Variants in CYP2W1 observed in about 807,000 individuals in gnomAD.
CYP2W1 encodes the protein cytochrome P450 family 2 subfamily W member 1, also known as cytochrome P450 2W1.
CYP2W1 carries 51 observed loss-of-function variants against 44.9 expected under a neutral mutation model. The observed-to-expected ratio is 1.14, with a 90% CI of 0.91 to 1.43. The LOEUF is 1.43. Among genes scored for constraint, CYP2W1 ranks in the 40% most tolerant of loss-of-function variants. The probability of loss-of-function intolerance (pLI) is 0.00; values close to 1 mark genes in which losing one functional copy is unlikely to be tolerated. For missense variants in CYP2W1, 746 were observed against 700.0 expected, an observed-to-expected ratio of 1.07 and a Z score of -0.74; for synonymous variants, 383 against 338.3, an observed-to-expected ratio of 1.13 and a Z score of -1.45.
At chr7:986,334 C>A in intron 4 of CYP2W1, 1 of 479,908 alleles carries the variant, frequency 2.1e-6, no homozygotes, top group Non-Finnish European at 3.8e-6. Flanking sequence ...ACAGGAGGTT[C>A]AAGGTTACTT....
rs748510194 is a variant in CYP2W1, at chr7:988,437, CGGGGTGGGGCGGCACCTCCAGGGCTCCA to C, written c.1285+28_1285+55del. On this transcript the variant is annotated intron_variant, in intron 8 of 8. Transcript: ENST00000308919. ...TCTGCAGGTCAGCAGCCCTCGGGGC[CGGGGTGGGGCGGCACCTCCAGGGCTCCA>C]GGGGTGGGACGGCCCCAGCTCCGCC... is the stretch of plus-strand genomic sequence containing the variant. 2.5e-6 allele frequency: 4 copies of C among 1,611,698 alleles called. No homozygotes were observed. Among genetic ancestry groups the C allele is most frequent in the Non-Finnish European group, 3.4e-6 (4 of 1,179,588 alleles).
At position 983,259 on chromosome 7, in the gene CYP2W1, G is replaced by A. The variant is rs1486813484; in HGVS notation, c.48G>A (p.Gly16=). The A allele has an allele frequency of 1.9e-6, 3 of 1,538,952 alleles. No individual in the cohort carries two copies. The highest frequency in any genetic ancestry group is 2.6e-6 in the Non-Finnish European group (3 of 1,141,252). The part of the protein sequence containing the change: ...LLFLGLLGLW[G]LLCACAQDPS... ...TCCTGGGCCTCCTGGGGCTCTGGGGGCTGCTCTGCGCCTGCGCCCAAGACC... is the reference window on the plus strand; with the variant it reads ...TCCTGGGCCTCCTGGGGCTCTGGGGACTGCTCTGCGCCTGCGCCCAAGACC... The change falls in exon 1 of 9, where the codon GGG becomes GGA. Residue 16 remains glycine, a synonymous_variant. Transcript: ENST00000308919.
intron 5 of CYP2W1, 138 bp from the exon 6 acceptor site, chr7:986,969 G>T: frequency 2.2e-6 from 3 of 1,340,746 alleles, no homozygotes; most frequent in East Asian, 2.6e-5. Flanking sequence ...CATCCATAGT[G>T]CCTGCCTCGG....
chr7:987,397 C>G lies in CYP2W1; in HGVS notation c.1009C>G (p.Arg337Gly), dbSNP rs200372185. Reference sequence around the variant, plus strand: ...CGTGCTGGGCCCTGGGCGGACTCCCCGGCTGGAGGACCAGCAGGCTCTGCC... The same window carrying G: ...CGTGCTGGGCCCTGGGCGGACTCCCGGGCTGGAGGACCAGCAGGCTCTGCC... ...DRVLGPGRTP[R>G]LEDQQALPYT... Residue 337 changes from arginine (R) to glycine (G), a missense_variant, in exon 7 of 9, where the codon CGG becomes GGG. Physicochemically the swap from Arg to Gly is moderately radical, Grantham distance 125. Transcript: ENST00000308919. The G allele has an allele frequency of 1.3e-6, 2 of 1,594,828 alleles. No homozygotes were observed. Among genetic ancestry groups the G allele is most frequent in the Admixed American group, 1.7e-5 (1 of 59,522 alleles).
In CYP2W1 at chr7:988,725, C is replaced by G. The variant is rs1453271693; in HGVS notation, c.1376C>G (p.Pro459Arg). ...GLLQRYRLLP[P>R]PGVSPASLDT... is the part of the protein sequence containing the mutation. ...CTGCAGAGGTACCGCCTGCTGCCCC[C>G]GCCTGGCGTCAGTCCGGCCTCCCTG... The change falls in exon 9 of 9, where the codon CCG becomes CGG. Residue 459 changes from proline (P) to arginine (R), a missense_variant. Coordinates refer to ENST00000308919, the MANE Select transcript of CYP2W1 (RefSeq NM_017781.3). 2 of 1,599,598 alleles carry G rather than the reference C, an allele frequency of 1.3e-6. No homozygotes were observed. The highest frequency in any genetic ancestry group is 1.7e-6 in the Non-Finnish European group (2 of 1,179,592).
chr7:987,761 G>T (rs1472913647), intron 7 of CYP2W1, among the ~76,000 whole-genome samples: 1 of 152,144 alleles, frequency 6.6e-6, no homozygotes, highest in East Asian at 1.9e-4. Context: ...ATGTCCTGGG[G>T]TCCCCTCCGT....
chr7:988,148 C>T, intron 7 of CYP2W1, 129 bp from the exon 8 acceptor site: 1 of 1,174,692 alleles, frequency 8.5e-7, no homozygotes, highest in Non-Finnish European at 1.2e-6. Context: ...GGTGCCTCAC[C>T]TGCAAGGTGG....
At chr7:986,122 G>A (rs551703327) in intron 4 of CYP2W1, among the ~76,000 whole-genome samples, 1 of 152,280 alleles carries the variant, frequency 6.6e-6, no homozygotes, top group African/African-American at 2.4e-5. Context: ...TTACCACAGA[G>A]ACGCCGCGTG....
Position 985,021 on chromosome 7 carries a change from G to C in CYP2W1, c.409G>C (p.Gly137Arg). 2 of 1,612,084 alleles carry C rather than the reference G, an allele frequency of 1.2e-6. No individual in the cohort carries two copies. Among genetic ancestry groups the C allele is most frequent in the African/African-American group, 2.7e-5 (2 of 75,052 alleles). The stretch of plus-strand genomic sequence containing the variant: ...CACGGTGCGTGCCCTGCACAGCCTG[G>C]GCGTGGGCCGGGAGCCGGTGGCTGA... Reference protein sequence around the residue: ...QFTVRALHSLGVGREPVADKI... With the variant: ...QFTVRALHSLRVGREPVADKI... The change falls in exon 3 of 9, where the codon GGC (glycine) becomes CGC (arginine). Residue 137 changes from glycine to arginine, a missense_variant. Coordinates refer to ENST00000308919, the MANE Select transcript of CYP2W1 (RefSeq NM_017781.3).
chr7:988,543 G>A (rs1332397070), intron 8 of CYP2W1, 92 bp from the exon 9 acceptor site: 1 of 1,597,288 alleles, frequency 6.3e-7, no homozygotes, highest in Non-Finnish European at 8.5e-7. Flanking sequence ...GGCTGTGGTG[G>A]CTGCTCCTGT....
rs753258511 is a variant in CYP2W1 at position 984,999 on chromosome 7, G to A, written c.387G>A (p.Thr129=). 7 of 1,610,906 alleles carry A rather than the reference G, an allele frequency of 4.3e-6. No homozygotes were observed. The highest frequency in any genetic ancestry group is 3.3e-5 in the South Asian group (3 of 91,052). ...GCTGGAGGGCTGCCCGCCAGTTCAC[G>A]GTGCGTGCCCTGCACAGCCTGGGCG... is the stretch of plus-strand genomic sequence containing the variant. ...GARWRAARQF[T]VRALHSLGVG... The change falls in exon 3 of 9, where the codon ACG becomes ACA. Residue 129 remains threonine (T), a synonymous_variant. Transcript: ENST00000308919.
rs1411141870 is a variant in CYP2W1, at chr7:983,328, G to A, written c.117G>A (p.Pro39=). The change falls in exon 1 of 9, where the codon CCG becomes CCA. Residue 39 remains proline, a synonymous_variant. Coordinates refer to ENST00000308919, the MANE Select transcript of CYP2W1 (RefSeq NM_017781.3). ...GGCCCCCGGGGCCTCGCCCGCTGCC[G>A]CTCGTCGGGAACCTGCACTTGCTGC... ...ARWPPGPRPL[P]LVGNLHLLRL... The A allele has an allele frequency of 1.0e-5, 16 of 1,539,066 alleles. No individual in the cohort carries two copies. Among genetic ancestry groups the A allele is most frequent in the Admixed American group, 2.0e-5 (1 of 50,726 alleles).
intron 8 of CYP2W1, 82 bp downstream of exon 8, chr7:988,500 T>C (rs1264838642): frequency 6.2e-7 from 1 of 1,600,682 alleles, no homozygotes; most frequent in Non-Finnish European, 8.5e-7. Flanking sequence ...CTGCCGCCTC[T>C]GCACCCACCT....
chr7:987,205 G>C lies in CYP2W1; in HGVS notation c.918G>C (p.Gln306His). Residue 306 changes from glutamine to histidine, a missense_variant, in exon 6 of 9, where the codon CAG (glutamine) becomes CAC (histidine). Physicochemically the swap from Gln to His is conservative, Grantham distance 24. Coordinates refer to ENST00000308919, the MANE Select transcript of CYP2W1 (RefSeq NM_017781.3). ...AGTETTSATL[Q>H]WAALLMGRHP... ...CGGAGACGACCTCGGCCACGCTGCAGTGGGCCGCACTTCTGATGGGCCGGC... is the reference window on the plus strand; with the variant it reads ...CGGAGACGACCTCGGCCACGCTGCACTGGGCCGCACTTCTGATGGGCCGGC... 6.5e-7 allele frequency: 1 copy of C among 1,548,596 alleles called. No homozygotes were observed. Among genetic ancestry groups the C allele is most frequent in the Non-Finnish European group, 8.7e-7 (1 of 1,146,956 alleles).
Position 987,349 on chromosome 7 carries a change from C to G in CYP2W1, c.961C>G (p.Arg321Gly), listed in dbSNP as rs746735643. The G allele has an allele frequency of 1.9e-6, 3 of 1,575,764 alleles. No homozygotes were observed. Among genetic ancestry groups the G allele is most frequent in the Non-Finnish European group, 1.7e-6 (2 of 1,164,160 alleles). ...LMGRHPDVQG[R>G]VQEELDRVLG... ...AAGCGGCCCACCCTTTGCCCCAGGC[C>G]GGGTGCAGGAGGAGCTAGACCGCGT... The change falls in exon 7 of 9, where the codon CGG (arginine) becomes GGG (glycine). Residue 321 changes from arginine to glycine, a missense_variant and splice_region_variant. Transcript: ENST00000308919.
At chr7:985,145 T>C (rs764833378) in intron 3 of CYP2W1, 21 bp from the exon 4 acceptor site, 1 of 1,599,106 alleles carries the variant, frequency 6.3e-7, no homozygotes, top group Non-Finnish European at 8.5e-7. Flanking sequence ...TGGACGTGCC[T>C]GAGGCCCGTC....
At chr7:986,507 A>G in intron 4 of CYP2W1, 117 bp from the exon 5 acceptor site, 1 of 1,243,552 alleles carries the variant, frequency 8.0e-7, no homozygotes, top group Non-Finnish European at 1.1e-6. Context: ...GGCCGCCTCC[A>G]GCACATCCAC....
At position 987,473 on chromosome 7, in the gene CYP2W1, C is replaced by T. The variant is rs1229317330; in HGVS notation, c.1085C>T (p.Pro362Leu). ...HEVQRFITLL[P>L]HVPRCTAADT... ...GTGCAGCGGTTCATCACGCTCCTGCCGCACGTGCCCCGCTGCACCGCGGCC... is the reference window on the plus strand; with the variant it reads ...GTGCAGCGGTTCATCACGCTCCTGCTGCACGTGCCCCGCTGCACCGCGGCC... The change falls in exon 7 of 9, where the codon CCG (proline) becomes CTG (leucine). Residue 362 changes from proline (P) to leucine (L), a missense_variant. By Grantham distance (98) the Pro-to-Leu change is moderately conservative (BLOSUM62 -3). Transcript: ENST00000308919. 19 of 1,560,412 alleles carry T rather than the reference C, an allele frequency of 1.2e-5. No homozygotes were observed. The highest frequency in any genetic ancestry group is 2.3e-5 in the South Asian group (2 of 86,124).
Position 984,980 on chromosome 7 carries a change from G to T in CYP2W1, c.368G>T (p.Arg123Met). Residue 123 changes from arginine (R) to methionine (M), a missense_variant, in exon 3 of 9, where the codon AGG becomes ATG. Physicochemically the swap from Arg to Met is moderately conservative, Grantham distance 91 (BLOSUM62 -1). Coordinates refer to ENST00000308919, the MANE Select transcript of CYP2W1 (RefSeq NM_017781.3). ...GIFFSSGARW[R>M]AARQFTVRAL... ...TTCTTCTCATCTGGGGCGCGCTGGA[G>T]GGCTGCCCGCCAGTTCACGGTGCGT... The T allele has an allele frequency of 6.2e-7, 1 of 1,608,222 alleles. No individual in the cohort carries two copies.
Sources: allele counts gnomAD v4.1 joint callset (sites outside exome capture counted in the v4.1 genomes callset), GRCh38; gene constraint gnomAD v4.1.1; transcripts MANE v1.5; gene names NCBI Gene and HGNC (gene_info 2026-07-23, HGNC 2026-07-21).